Variants in NRXN3 observed in about 807,000 individuals in gnomAD.
The protein encoded by NRXN3 is neurexin 3.
NRXN3 carries 32 observed loss-of-function variants against 137.6 expected under a neutral mutation model. The observed-to-expected ratio is 0.23, with a 90% CI of 0.18 to 0.31. The LOEUF (loss-of-function observed/expected upper bound fraction) is 0.31, where lower values mean the gene tolerates loss of function less well. Among genes scored for constraint, NRXN3 ranks in the 10% least tolerant of loss-of-function variants. The pLI, the probability that NRXN3 is intolerant of heterozygous loss-of-function variation, is 1.00. For missense variants in NRXN3, 1,574 were observed against 2,062.5 expected (o/e 0.76, Z 4.59); for synonymous variants, 798 against 784.5 (o/e 1.02, Z -0.29).
At chr14:79,099,058 G>T (rs1355897451) in intron 15 of NRXN3, among the ~76,000 whole-genome samples, 1 of 152,136 alleles carries the variant, frequency 6.6e-6, no homozygotes, top group Admixed American at 6.6e-5. Flanking sequence ...ATTTTCCTGA[G>T]CACAGAATTT....
chr14:79,811,201 C>T (rs1347933988), intron 20 of NRXN3, among the ~76,000 whole-genome samples: 1 of 152,048 alleles, frequency 6.6e-6, no homozygotes, highest in Non-Finnish European at 1.5e-5. Flanking sequence ...TCTGTAAATG[C>T]TATAAATTCT....
intron 4 of NRXN3, among the ~76,000 whole-genome samples, chr14:78,640,644 A>G (rs2097616287): frequency 6.6e-6 from 1 of 152,228 alleles, no homozygotes; most frequent in Non-Finnish European, 1.5e-5. Flanking sequence ...CTAAGTATAT[A>G]TCAGTATTGA....
At chr14:79,705,886 GATGGCAAGATCTTTA>G (rs1191361336) in intron 19 of NRXN3, among the ~76,000 whole-genome samples, 1 of 152,150 alleles carries the variant, frequency 6.6e-6, no homozygotes, top group African/African-American at 2.4e-5. Context: ...TGAGTTCTAG[GATGGCAAGATCTTTA>G]TTTTAGGCAC....
At chr14:79,768,273 A>G (rs1182442466) in intron 19 of NRXN3, among the ~76,000 whole-genome samples, 1 of 152,230 alleles carries the variant, frequency 6.6e-6, no homozygotes, top group East Asian at 1.9e-4. Flanking sequence ...AGCCCACCAC[A>G]GCTCAAGGAG....
chr14:79,040,963 C>A (rs1009978790), intron 15 of NRXN3, among the ~76,000 whole-genome samples: 1 of 152,146 alleles, frequency 6.6e-6, no homozygotes, highest in African/African-American at 2.4e-5. Context: ...GTCCCATTTT[C>A]CAAGTTCCCT....
intron 10 of NRXN3, among the ~76,000 whole-genome samples, chr14:78,886,123 T>C (rs1353756432): frequency 6.6e-6 from 1 of 152,162 alleles, no homozygotes; most frequent in Non-Finnish European, 1.5e-5. Context: ...AAATGTAGTC[T>C]GGCTGGCATT....
intron 15 of NRXN3, chr14:79,279,394 G>T: frequency 1.0e-6 from 1 of 986,344 alleles, no homozygotes; most frequent in Non-Finnish European, 1.2e-6. Context: ...CACTTCACCT[G>T]TGCCTCCCTG....
intron 20 of NRXN3, among the ~76,000 whole-genome samples, chr14:79,827,614 T>G (rs1249966769): frequency 6.6e-6 from 1 of 151,268 alleles, no homozygotes; most frequent in East Asian, 1.9e-4. Flanking sequence ...GAAACTACAA[T>G]CATGGCAAAA....
intron 1 of NRXN3, chr14:78,231,139 T>A (rs1245373502): frequency 6.6e-6 from 1 of 152,186 alleles, no homozygotes; most frequent in African/African-American, 2.4e-5. Flanking sequence ...AGATGGTAGA[T>A]TGGGTGAGGG....
At chr14:79,084,970 T>G (rs1301618344) in intron 15 of NRXN3, among the ~76,000 whole-genome samples, 1 of 152,096 alleles carries the variant, frequency 6.6e-6, no homozygotes, top group African/African-American at 2.4e-5. Context: ...TAAAATGCAT[T>G]AAGGCTTAAG....
intron 19 of NRXN3, among the ~76,000 whole-genome samples, chr14:79,760,189 T>C (rs2099033518): frequency 6.6e-6 from 1 of 151,540 alleles, no homozygotes; most frequent in Non-Finnish European, 1.5e-5. Flanking sequence ...TGGGGTTATA[T>C]CCAACCATGG....
chr14:78,950,693 G>A (rs947233150), intron 10 of NRXN3, among the ~76,000 whole-genome samples: 4 of 152,086 alleles, frequency 2.6e-5, no homozygotes, highest in African/African-American at 7.2e-5. Flanking sequence ...AGGGAGGTGG[G>A]TGGGCAAATA....
At chr14:79,494,953 A>G (rs1436109351) in intron 16 of NRXN3, among the ~76,000 whole-genome samples, 1 of 152,188 alleles carries the variant, frequency 6.6e-6, no homozygotes, top group Non-Finnish European at 1.5e-5. Flanking sequence ...AATACTTTTT[A>G]ATTGAAAGAA....
At position 78,903,254 on chromosome 14, in the gene NRXN3, T is replaced by C. The variant is rs1171611766; in HGVS notation, c.2276-53988T>C. Among the ~76,000 whole-genome samples the C allele has an allele frequency of 3.3e-5, 5 of 149,462 alleles. No homozygotes were observed. In the East Asian group the frequency reaches 1.0e-3, roughly 31 times the overall value. On this transcript the variant is annotated intron_variant, in intron 10 of 20. Coordinates refer to ENST00000335750, the MANE Select transcript of NRXN3 (RefSeq NM_001330195.2). ...GCCTTGATGTCCTGGGCTCAAGAGATCCTCCCGCCTCAGTCTCCTGAGTAG... is the reference window on the plus strand; with the variant it reads ...GCCTTGATGTCCTGGGCTCAAGAGACCCTCCCGCCTCAGTCTCCTGAGTAG...
intron 16 of NRXN3, among the ~76,000 whole-genome samples, chr14:79,637,505 AG>A (rs964107948): frequency 2.6e-5 from 4 of 151,908 alleles, no homozygotes; most frequent in African/African-American, 9.7e-5. Context: ...AGTGTAGGAA[AG>A]GGGGGAATCC....
At chr14:78,344,324 C>G (rs1343420921) in intron 4 of NRXN3, among the ~76,000 whole-genome samples, 1 of 152,228 alleles carries the variant, frequency 6.6e-6, no homozygotes. Flanking sequence ...TGGAGTCTCT[C>G]AACCAATGAG....
rs2099486460 is a variant in NRXN3, at chr14:78,980,384, TG to T, written c.3143-7634del. The stretch of plus-strand genomic sequence containing the variant: ...TTAGCACTATTTATGAATTTCAAAT[TG>T]GGGTGTTTGAGACATAGGTTTGGTT... On this transcript the variant is annotated intron_variant, in intron 14 of 20. Coordinates refer to ENST00000335750, the MANE Select transcript of NRXN3 (RefSeq NM_001330195.2). Among the ~76,000 whole-genome samples the T allele has an allele frequency of 3.3e-5, 5 of 152,334 alleles. No individual in the cohort carries two copies. In the South Asian group the frequency reaches 8.3e-4, roughly 25 times the overall value.
chr14:79,129,987 AC>A (rs2057195741), intron 15 of NRXN3, among the ~76,000 whole-genome samples: 1 of 151,500 alleles, frequency 6.6e-6, no homozygotes, highest in African/African-American at 2.4e-5. Flanking sequence ...TTTATCAGAG[AC>A]TAGGATTGCA....
At chr14:79,171,479 T>C (rs189337075) in intron 15 of NRXN3, among the ~76,000 whole-genome samples, 1 of 152,250 alleles carries the variant, frequency 6.6e-6, no homozygotes, top group Admixed American at 6.5e-5. Context: ...AGCCAAATCA[T>C]TGAAAGATAC....
Sources: allele counts gnomAD v4.1 joint callset (sites outside exome capture counted in the v4.1 genomes callset), GRCh38; gene constraint gnomAD v4.1.1; transcripts MANE v1.5; gene names NCBI Gene and HGNC (gene_info 2026-07-23, HGNC 2026-07-21).